INSC: variants seen among roughly 807,000 people sequenced by gnomAD.
INSC encodes protein inscuteable homolog.
In INSC, 67 loss-of-function variants were observed where a neutral mutation model predicts 58.6. The ratio of observed to expected loss-of-function variants is 1.14; its 90% CI spans 0.94 to 1.40. The LOEUF is 1.40. Among genes scored for constraint, INSC ranks in the 40% most tolerant of loss-of-function variants. The probability of loss-of-function intolerance (pLI) is 0.00; values close to 1 mark genes in which losing one functional copy is unlikely to be tolerated. For missense variants in INSC, 714 were observed against 692.0 expected (o/e 1.03, Z -0.36); for synonymous variants, 262 against 276.1 (o/e 0.95, Z 0.51).
intron 1 of INSC, among the ~76,000 whole-genome samples, chr11:15,117,305 AC>A (rs565936345): frequency 6.6e-4 from 101 of 151,884 alleles, no homozygotes; most frequent in African/African-American, 2.3e-3. Flanking sequence ...TCACCCACCA[AC>A]TCCTCTAATA....
intron 1 of INSC, among the ~76,000 whole-genome samples, chr11:15,126,560 T>C (rs369370466): frequency 2.6e-5 from 4 of 152,182 alleles, no homozygotes; most frequent in Admixed American, 2.6e-4. Flanking sequence ...TCTATTCTTA[T>C]AGATGGGAAA....
chr11:15,250,699 C>G (rs1488351913), downstream of INSC, among the ~76,000 whole-genome samples: 4 of 152,174 alleles, frequency 2.6e-5, no homozygotes, highest in Non-Finnish European at 5.9e-5. Flanking sequence ...AAATTACTCT[C>G]AAATTTAGTG....
chr11:15,203,498 C>T (rs371649960), intron 7 of INSC, among the ~76,000 whole-genome samples: 1 of 152,234 alleles, frequency 6.6e-6, no homozygotes, highest in East Asian at 1.9e-4. Context: ...TGCAAAGTGA[C>T]TCCACATGGA....
chr11:15,251,662 G>A (rs1200072896), downstream of INSC, among the ~76,000 whole-genome samples: 1 of 152,194 alleles, frequency 6.6e-6, no homozygotes, highest in African/African-American at 2.4e-5. Context: ...TCAACATCAT[G>A]AGTCATTAGG....
the INSC span, among the ~76,000 whole-genome samples, chr11:15,256,222 G>A: frequency 6.6e-6 from 1 of 152,200 alleles, no homozygotes; most frequent in African/African-American, 2.4e-5. Flanking sequence ...TGTGCTTTCA[G>A]CAGAATCCAT....
intron 1 of INSC, among the ~76,000 whole-genome samples, chr11:15,121,878 G>A (rs141677221): frequency 1.3e-5 from 2 of 152,244 alleles, no homozygotes; most frequent in African/African-American, 4.8e-5. Flanking sequence ...GGCTCTGCAA[G>A]CTGGCTTTCT....
chr11:15,112,402 A>T, upstream of INSC: 1 of 1,339,822 alleles, frequency 7.5e-7, no homozygotes, highest in South Asian at 1.4e-5. Context: ...GGGTGGGCAA[A>T]GGGAAAGAAG....
chr11:15,144,915 C>T (rs1416019864), intron 1 of INSC, among the ~76,000 whole-genome samples: 3 of 152,180 alleles, frequency 2.0e-5, no homozygotes, highest in African/African-American at 7.2e-5. Context: ...TTCTTGTAAA[C>T]TAGTCACTTC....
chr11:15,162,201 G>A (rs183732994), intron 2 of INSC, among the ~76,000 whole-genome samples: 20 of 152,232 alleles, frequency 1.3e-4, no homozygotes, highest in Middle Eastern at 6.8e-3. Context: ...GCTTACAATG[G>A]CTTCCATGGC....
intron 7 of INSC, among the ~76,000 whole-genome samples, chr11:15,202,919 C>T (rs1398589918): frequency 6.6e-6 from 1 of 152,224 alleles, no homozygotes; most frequent in African/African-American, 2.4e-5. Context: ...ACGGCCCAGG[C>T]CCTAGCCTGA....
intron 8 of INSC, among the ~76,000 whole-genome samples, chr11:15,223,359 G>A (rs2133936695): frequency 6.6e-6 from 1 of 152,304 alleles, no homozygotes; most frequent in Middle Eastern, 3.4e-3. Flanking sequence ...TCCTGATGAA[G>A]ATGCATTGTA....
intron 1 of INSC, among the ~76,000 whole-genome samples, chr11:15,131,227 A>G (rs1025915394): frequency 4.6e-5 from 7 of 151,940 alleles, no homozygotes; most frequent in Admixed American, 6.6e-5. Flanking sequence ...TAATATGTCT[A>G]TTTTCATCAT....
intron 7 of INSC, among the ~76,000 whole-genome samples, chr11:15,208,768 C>T (rs550225436): frequency 4.6e-5 from 7 of 152,302 alleles, no homozygotes; most frequent in African/African-American, 1.4e-4. Context: ...AGGCTCCATC[C>T]GCAGAGGCTC....
chr11:15,216,482 C>A (rs150434258), intron 7 of INSC, among the ~76,000 whole-genome samples: 31 of 152,294 alleles, frequency 2.0e-4, no homozygotes, highest in African/African-American at 7.2e-4. Context: ...TCTGCTTCAT[C>A]TCTGTGTCAC....
chr11:15,134,972 T>C lies in INSC; in HGVS notation c.-45-14158T>C, dbSNP rs985096301. On this transcript the variant is annotated intron_variant, in intron 1 of 12. Transcript: ENST00000379556. Reference sequence around the variant, plus strand: ...CTTCTATTATAATATAATTTAAAATTCTTTTTTAAGACCTTACCACTTTCT... The same window carrying C: ...CTTCTATTATAATATAATTTAAAATCCTTTTTTAAGACCTTACCACTTTCT... 6.6e-5 allele frequency among the ~76,000 whole-genome samples: 10 copies of C among 152,278 alleles called. No homozygotes were observed. The East Asian group carries it at 9.6e-4, about 15-fold the overall frequency.
chr11:15,163,579 T>TTTTATTTTACTTATGTA (rs1849089818), intron 2 of INSC, among the ~76,000 whole-genome samples: 2 of 152,184 alleles, frequency 1.3e-5, no homozygotes, highest in Non-Finnish European at 2.9e-5. Context: ...CTCAAATTCT[T>TTTTATTTTACTTATGTA]TTTATTTTAC....
chr11:15,148,992 C>G, intron 1 of INSC, 138 bp from the exon 2 acceptor site: 1 of 1,070,466 alleles, frequency 9.3e-7, no homozygotes, highest in East Asian at 3.1e-5. Flanking sequence ...GGAGTGTAAA[C>G]TGGTTCAACA....
At chr11:15,113,143 T>TTCTTTCTTTCTTTCTTTCTCTCTCTCTC, upstream of INSC, among the ~76,000 whole-genome samples, 40 of 98,686 alleles carry the variant, frequency 4.1e-4, 2 homozygotes, top group Non-Finnish European at 5.0e-4. Context: ...CTTTCTTTCT[T>TTCTTTCTTTCTTTCTTTCTCTCTCTCTC]TCTGTCTCTC....
At chr11:15,228,855 C>A (rs992102988) in intron 9 of INSC, among the ~76,000 whole-genome samples, 2 of 152,142 alleles carry the variant, frequency 1.3e-5, no homozygotes, top group Non-Finnish European at 2.9e-5. Flanking sequence ...GGGGTATGGA[C>A]GTTGGTGAGG....
Sources: allele counts gnomAD v4.1 joint callset (sites outside exome capture counted in the v4.1 genomes callset), GRCh38; gene constraint gnomAD v4.1.1; transcripts MANE v1.5; gene names NCBI Gene and HGNC (gene_info 2026-07-23, HGNC 2026-07-21).